LEKR1: variants seen among roughly 807,000 people sequenced by gnomAD.
LEKR1 encodes protein LEKR1.
Under a neutral mutation model 72.4 loss-of-function variants are expected in LEKR1, and 59 were observed. The ratio of observed to expected loss-of-function variants is 0.82; its 90% CI spans 0.66 to 1.01. The LOEUF (loss-of-function observed/expected upper bound fraction) is 1.01. Among genes scored for constraint, LEKR1 ranks in the 50% least tolerant of loss-of-function variants. LEKR1 has a pLI of 0.00. For missense variants in LEKR1, 728 were observed against 759.2 expected (o/e 0.96, Z 0.48); for synonymous variants, 257 against 263.2 (o/e 0.98, Z 0.23).
At chr3:156,932,118 C>A (rs993871279) in intron 5 of LEKR1, among the ~76,000 whole-genome samples, 4 of 151,982 alleles carry the variant, frequency 2.6e-5, no homozygotes, top group African/African-American at 9.7e-5. Flanking sequence ...AAGTATTTGA[C>A]AGGTATATAG....
chr3:156,878,276 C>G (rs1354155600), intron 3 of LEKR1, among the ~76,000 whole-genome samples: 2 of 152,014 alleles, frequency 1.3e-5, no homozygotes, highest in Non-Finnish European at 2.9e-5. Flanking sequence ...TATGAACTTT[C>G]CTGTTAACAC....
chr3:156,837,277 A>C (rs1348700724), intron 2 of LEKR1, among the ~76,000 whole-genome samples: 1 of 152,236 alleles, frequency 6.6e-6, no homozygotes, highest in African/African-American at 2.4e-5. Context: ...CCCTGTAGAA[A>C]TGGGATCTTT....
At chr3:156,964,800 A>G (rs376224383) in intron 6 of LEKR1, among the ~76,000 whole-genome samples, 1 of 152,254 alleles carries the variant, frequency 6.6e-6, no homozygotes, top group Non-Finnish European at 1.5e-5. Context: ...ATTCATTAAA[A>G]GAAGTTGATG....
At chr3:156,945,981 G>C (rs889092587) in intron 6 of LEKR1, among the ~76,000 whole-genome samples, 1 of 151,508 alleles carries the variant, frequency 6.6e-6, no homozygotes, top group African/African-American at 2.4e-5. Context: ...TGTTATTTCT[G>C]TGAAGAATGA....
chr3:156,876,078 TG>T (rs1214778984), intron 3 of LEKR1, among the ~76,000 whole-genome samples: 2 of 151,488 alleles, frequency 1.3e-5, no homozygotes, highest in Admixed American at 6.6e-5. Flanking sequence ...GCACCATTTG[TG>T]GAATAGGGTG....
chr3:156,865,103 C>T (rs555078696), intron 3 of LEKR1, among the ~76,000 whole-genome samples: 5 of 151,974 alleles, frequency 3.3e-5, no homozygotes, highest in Non-Finnish European at 7.4e-5. Context: ...TAATGTGTCC[C>T]CAAGTGAACT....
chr3:156,965,523 G>C (rs1228469523), intron 6 of LEKR1, among the ~76,000 whole-genome samples: 1 of 152,040 alleles, frequency 6.6e-6, no homozygotes, highest in African/African-American at 2.4e-5. Flanking sequence ...TAATTTTCTG[G>C]TTTTAATGTA....
At chr3:157,017,356 C>A (rs974675628) in intron 10 of LEKR1, 1 of 152,166 alleles carries the variant, frequency 6.6e-6, no homozygotes. Flanking sequence ...GTGAGGGAGA[C>A]CTGGCTGCGA....
At chr3:156,880,937 AC>A (rs1174952915) in intron 3 of LEKR1, among the ~76,000 whole-genome samples, 4 of 152,248 alleles carry the variant, frequency 2.6e-5, no homozygotes, top group African/African-American at 9.6e-5. Context: ...AAGGCCTTCG[AC>A]AAAATTCAAA....
chr3:156,862,111 T>C (rs959113774), intron 3 of LEKR1, among the ~76,000 whole-genome samples: 5 of 152,134 alleles, frequency 3.3e-5, no homozygotes, highest in African/African-American at 9.7e-5. Flanking sequence ...GTATATCTTT[T>C]ATTACCAGCA....
At chr3:156,854,290 C>T (rs1190986161) in intron 3 of LEKR1, among the ~76,000 whole-genome samples, 2 of 151,858 alleles carry the variant, frequency 1.3e-5, no homozygotes, top group African/African-American at 4.8e-5. Flanking sequence ...ATTACAGCTA[C>T]ACACCACCAT....
At chr3:157,037,021 T>C (rs566519120) in intron 12 of LEKR1, among the ~76,000 whole-genome samples, 2 of 152,258 alleles carry the variant, frequency 1.3e-5, no homozygotes, top group African/African-American at 2.4e-5. Flanking sequence ...ACTATAATCA[T>C]ATAAAGATGA....
chr3:157,021,014 T>G (rs1436376313), intron 10 of LEKR1, among the ~76,000 whole-genome samples: 11 of 151,924 alleles, frequency 7.2e-5, no homozygotes, highest in Non-Finnish European at 1.5e-5. Context: ...TTGATTTGCA[T>G]TTCTCTGATG....
chr3:157,004,220 C>A (rs1025136996), intron 9 of LEKR1, among the ~76,000 whole-genome samples: 3 of 151,972 alleles, frequency 2.0e-5, no homozygotes, highest in Admixed American at 2.0e-4. Flanking sequence ...AAAAATATTA[C>A]CAGAAGTAAA....
intron 9 of LEKR1, among the ~76,000 whole-genome samples, chr3:157,000,783 T>C (rs1456552415): frequency 6.6e-6 from 1 of 152,240 alleles, no homozygotes; most frequent in East Asian, 1.9e-4. Flanking sequence ...GATGCTGATA[T>C]GGTTAGGCTT....
intron 9 of LEKR1, among the ~76,000 whole-genome samples, chr3:157,006,167 G>A (rs1184085641): frequency 8.6e-5 from 13 of 151,676 alleles, no homozygotes; most frequent in South Asian, 6.3e-4. Context: ...CACCGCGCCC[G>A]GCTAATTTTT....
chr3:156,961,276 T>TAAAATTCACAAATTAC (rs1410615561), intron 6 of LEKR1, among the ~76,000 whole-genome samples: 1 of 152,238 alleles, frequency 6.6e-6, no homozygotes, highest in African/African-American at 2.4e-5. Context: ...TTTACAGAGA[T>TAAAATTCACAAATTAC]AAAATTCACA....
chr3:157,019,887 C>G (rs978437387), intron 10 of LEKR1, among the ~76,000 whole-genome samples: 1 of 152,162 alleles, frequency 6.6e-6, no homozygotes, highest in Non-Finnish European at 1.5e-5. Context: ...TGTGCTAACA[C>G]GTCAACACAT....
At chr3:157,006,987 G>A (rs1732494084) in intron 9 of LEKR1, among the ~76,000 whole-genome samples, 1 of 152,090 alleles carries the variant, frequency 6.6e-6, no homozygotes, top group African/African-American at 2.4e-5. Context: ...GGATCATAAG[G>A]TCAGGAGCGA....
Sources: allele counts gnomAD v4.1 joint callset (sites outside exome capture counted in the v4.1 genomes callset), GRCh38; gene constraint gnomAD v4.1.1; transcripts MANE v1.5; gene names NCBI Gene and HGNC (gene_info 2026-07-23, HGNC 2026-07-21).